PDE1A: variants seen among roughly 807,000 people sequenced by gnomAD.
The protein encoded by PDE1A is phosphodiesterase 1A, also known as dual specificity calcium/calmodulin-dependent 3',5'-cyclic nucleotide phosphodiesterase 1A.
PDE1A carries 35 observed loss-of-function variants against 61.7 expected under a neutral mutation model. The observed-to-expected ratio is 0.57, with a 90% CI of 0.43 to 0.75. The LOEUF (loss-of-function observed/expected upper bound fraction) is 0.75, where lower values mean the gene tolerates loss of function less well. Ranked by LOEUF, PDE1A falls within the 30% of genes least tolerant of loss-of-function variation. The pLI, the probability that PDE1A is intolerant of heterozygous loss-of-function variation, is 0.00. For missense variants in PDE1A, 597 were observed against 630.6 expected, an observed-to-expected ratio of 0.95 and a Z score of 0.57; for synonymous variants, 232 against 213.2, an observed-to-expected ratio of 1.09 and a Z score of -0.77.
At chr2:182,541,822 C>A in the PDE1A span, among the ~76,000 whole-genome samples, 1 of 152,106 alleles carries the variant, frequency 6.6e-6, no homozygotes, top group Non-Finnish European at 1.5e-5. Context: ...GCAGGCAAAT[C>A]TGCTTGTGAC....
intron 1 of PDE1A, among the ~76,000 whole-genome samples, chr2:182,380,452 C>T (rs1290945757): frequency 6.6e-6 from 1 of 152,080 alleles, no homozygotes; most frequent in African/African-American, 2.4e-5. Context: ...GTCTCTCCTG[C>T]CCGGGTAAAA....
chr2:182,372,077 A>G (rs1038388766), intron 1 of PDE1A, among the ~76,000 whole-genome samples: 1 of 152,216 alleles, frequency 6.6e-6, no homozygotes, highest in Non-Finnish European at 1.5e-5. Flanking sequence ...ATGGGCCACC[A>G]TGCCTGGCCA....
chr2:182,445,032 G>A (rs1685045007), intron 2 of PDE1A, among the ~76,000 whole-genome samples: 1 of 152,064 alleles, frequency 6.6e-6, no homozygotes, highest in African/African-American at 2.4e-5. Context: ...ACCATGTTGA[G>A]CCATACTATA....
At chr2:182,299,234 G>A (rs1009692810) in intron 1 of PDE1A, among the ~76,000 whole-genome samples, 6 of 151,546 alleles carry the variant, frequency 4.0e-5, no homozygotes, top group African/African-American at 1.5e-4. Context: ...TGGAGGCCTG[G>A]CCCAAGTCTG....
intron 2 of PDE1A, among the ~76,000 whole-genome samples, chr2:182,513,594 C>T (rs1401187935): frequency 2.0e-5 from 3 of 152,140 alleles, no homozygotes; most frequent in Non-Finnish European, 4.4e-5. Context: ...CTTCACATAT[C>T]GATGTTAACC....
At chr2:182,658,053 AAAAAAAAAAAAAAAAAAAAC>A in the PDE1A span, among the ~76,000 whole-genome samples, 1 of 95,256 alleles carries the variant, frequency 1.0e-5, no homozygotes, top group African/African-American at 3.6e-5. Flanking sequence ...TCAGTAAAAA[AAAAAAAAAAAAAAAAAAAAC>A]AAAAAAACTT....
At chr2:182,559,617 C>T in the PDE1A span, among the ~76,000 whole-genome samples, 1 of 152,174 alleles carries the variant, frequency 6.6e-6, no homozygotes, top group Non-Finnish European at 1.5e-5. Context: ...CCCAGCAATT[C>T]TCTCCTACAT....
At chr2:182,451,779 T>A (rs1457168839) in intron 2 of PDE1A, among the ~76,000 whole-genome samples, 1 of 152,110 alleles carries the variant, frequency 6.6e-6, no homozygotes, top group African/African-American at 2.4e-5. Context: ...CCGCTTCCCA[T>A]GCAGCTCTGA....
intron 2 of PDE1A, among the ~76,000 whole-genome samples, chr2:182,506,285 A>G (rs1689408338): frequency 6.6e-6 from 1 of 152,068 alleles, no homozygotes; most frequent in Non-Finnish European, 1.5e-5. Context: ...TGGTTTGATT[A>G]TAAGTAGGAA....
chr2:182,327,192 AGAT>A (rs1697101295), intron 1 of PDE1A, among the ~76,000 whole-genome samples: 1 of 152,220 alleles, frequency 6.6e-6, no homozygotes, highest in Admixed American at 6.5e-5. Flanking sequence ...ATGTAATGTT[AGAT>A]GATGATCAAT....
At chr2:182,482,252 GGTTA>G in intron 2 of PDE1A, among the ~76,000 whole-genome samples, 1 of 151,868 alleles carries the variant, frequency 6.6e-6, no homozygotes, top group Non-Finnish European at 1.5e-5. Flanking sequence ...ATAACTTTTA[GGTTA>G]TCACCTAGTT....
chr2:182,369,929 CT>C (rs1700036383), intron 1 of PDE1A, among the ~76,000 whole-genome samples: 2 of 152,110 alleles, frequency 1.3e-5, no homozygotes, highest in Admixed American at 1.3e-4. Flanking sequence ...AATCCCAGCA[CT>C]TTGGGAGGCT....
chr2:182,397,679 A>G (rs1445192124), intron 1 of PDE1A, among the ~76,000 whole-genome samples: 1 of 152,060 alleles, frequency 6.6e-6, no homozygotes, highest in Non-Finnish European at 1.5e-5. Context: ...CTATTACGCT[A>G]TGTCACATAA....
At chr2:182,212,645 AAG>A (rs1402017182) in intron 7 of PDE1A, among the ~76,000 whole-genome samples, 4 of 152,186 alleles carry the variant, frequency 2.6e-5, no homozygotes, top group African/African-American at 9.7e-5. Context: ...GAGTCAAAGA[AAG>A]GGGTGATGGA....
At chr2:182,638,041 A>G in the PDE1A span, among the ~76,000 whole-genome samples, 1 of 152,252 alleles carries the variant, frequency 6.6e-6, no homozygotes, top group Non-Finnish European at 1.5e-5. Flanking sequence ...TAAATTCTGA[A>G]GGAGAAAAGA....
chr2:182,241,461 A>G (rs1690502313), intron 2 of PDE1A, among the ~76,000 whole-genome samples: 1 of 152,230 alleles, frequency 6.6e-6, no homozygotes, highest in Admixed American at 6.5e-5. Flanking sequence ...CTCAGAAACA[A>G]GGCAGGGGCC....
chr2:182,173,381 G>A (rs1357488910), intron 13 of PDE1A, among the ~76,000 whole-genome samples: 1 of 151,802 alleles, frequency 6.6e-6, no homozygotes, highest in Non-Finnish European at 1.5e-5. Flanking sequence ...GCTCTTCTAG[G>A]GTTAAGTGAC....
chr2:182,557,284 ATATT>A, the PDE1A span, among the ~76,000 whole-genome samples: 3 of 152,160 alleles, frequency 2.0e-5, no homozygotes, highest in Non-Finnish European at 4.4e-5. Flanking sequence ...TTTATGAAAA[ATATT>A]TATTTCAGAT....
chr2:182,439,338 A>G (rs1244854794), intron 2 of PDE1A, among the ~76,000 whole-genome samples: 1 of 151,974 alleles, frequency 6.6e-6, no homozygotes, highest in Non-Finnish European at 1.5e-5. Context: ...GGAGTTGCAT[A>G]AATATAAAAT....
Sources: gnomAD v4.1 joint callset for allele counts (sites outside exome capture counted in the v4.1 genomes callset) on GRCh38, gnomAD v4.1.1 for gene constraint, MANE v1.5 for transcripts, NCBI Gene and HGNC (gene_info 2026-07-23, HGNC 2026-07-21) for gene names.